Variants in MFSD6 observed in about 807,000 individuals in gnomAD.
MFSD6 encodes the protein major facilitator superfamily domain containing 6, also known as major facilitator superfamily domain-containing protein 6.
A neutral mutation model predicts 56.3 loss-of-function variants in MFSD6; 26 were observed. The observed-to-expected ratio is 0.46, with a 90% CI of 0.34 to 0.64. The LOEUF (loss-of-function observed/expected upper bound fraction) is 0.64, where lower values mean the gene tolerates loss of function less well. MFSD6 is among the 30% of genes least tolerant of loss of function. MFSD6 has a pLI of 0.01. For missense variants in MFSD6, 750 were observed against 986.2 expected, an observed-to-expected ratio of 0.76 and a Z score of 3.21; for synonymous variants, 331 against 366.9, an observed-to-expected ratio of 0.90 and a Z score of 1.12.
chr2:190,477,416 T>C (rs1029801014), intron 4 of MFSD6: 1 of 931,978 alleles, frequency 1.1e-6, no homozygotes, highest in African/African-American at 1.8e-5. Context: ...TATATTATAA[T>C]AATACATGCA....
chr2:190,479,244 G>GT (rs1688522124), intron 4 of MFSD6, among the ~76,000 whole-genome samples: 1 of 152,186 alleles, frequency 6.6e-6, no homozygotes, highest in African/African-American at 2.4e-5. Flanking sequence ...CTCATGTTCA[G>GT]TAAGTATTCT....
Position 190,436,236 on chromosome 2 carries a change from A to T in MFSD6, c.207A>T (p.Leu69=). 6.2e-7 allele frequency: 1 copy of T among 1,614,088 alleles called. No homozygotes were observed. Among genetic ancestry groups the T allele is most frequent in the Non-Finnish European group, 8.5e-7 (1 of 1,179,986 alleles). Reference sequence around the variant, plus strand: ...GTGTTAAGATAAACAACGATCTTCTAATTTCCAAGGTCTTTTATTTTTTCT... The same window carrying T: ...GTGTTAAGATAAACAACGATCTTCTTATTTCCAAGGTCTTTTATTTTTTCT... The part of the protein sequence containing the change: ...KHCVKINNDL[L]ISKVFYFFFY... Residue 69 remains leucine (L), a synonymous_variant, in exon 3 of 8, where the codon CTA becomes CTT. Transcript: ENST00000392328. The surrounding 1 kb of genome is among the most constrained non-coding windows in gnomAD (Gnocchi z 5.3).
chr2:190,474,807 A>G (rs1385608825), intron 4 of MFSD6, among the ~76,000 whole-genome samples: 1 of 152,238 alleles, frequency 6.6e-6, no homozygotes, highest in African/African-American at 2.4e-5. Flanking sequence ...GATAGATGCA[A>G]AAATCCTCAA....
Position 190,417,665 on chromosome 2 carries a change from C to T in MFSD6, c.-54+2252C>T, listed in dbSNP as rs1036882252. Among the ~76,000 whole-genome samples the T allele has an allele frequency of 6.6e-6, 1 of 152,120 alleles. No individual in the cohort carries two copies. Among genetic ancestry groups the T allele is most frequent in the Non-Finnish European group, 1.5e-5 (1 of 68,020 alleles). On this transcript the variant is annotated intron_variant, in intron 2 of 7. Coordinates refer to ENST00000392328, the MANE Select transcript of MFSD6 (RefSeq NM_017694.4). The surrounding 1 kb of genome is among the most constrained non-coding windows in gnomAD (Gnocchi z 5.7). ...AAGGCCCTGTGCCATCTGTTGCTGT[C>T]TGGGTGGCCTCATGTGCCCTTTAGT... is the stretch of plus-strand genomic sequence containing the variant.
chr2:190,457,531 TG>T lies in MFSD6; in HGVS notation c.1533-12224del, dbSNP rs1687108568. 6.6e-6 allele frequency among the ~76,000 whole-genome samples: 1 copy of T among 152,196 alleles called. No individual in the cohort carries two copies. Among genetic ancestry groups the T allele is most frequent in the Non-Finnish European group, 1.5e-5 (1 of 68,026 alleles). ...GGATGTGTTTTATGATAGCAGTTGC[TG>T]GGATCTACATAGAGAATTTTATTTC... On this transcript the variant is annotated intron_variant, in intron 3 of 7. Transcript: ENST00000392328. This position sits in a 1 kb window ranked among gnomAD's most constrained non-coding sequence, Gnocchi z 5.1.
chr2:190,411,439 T>C, intron 1 of MFSD6: 3 of 982,518 alleles, frequency 3.1e-6, no homozygotes, highest in Non-Finnish European at 3.6e-6. Context: ...ATTACAGGCA[T>C]GAGCCACTGC....
At chr2:190,445,805 G>A (rs1351341384) in intron 3 of MFSD6, among the ~76,000 whole-genome samples, 1 of 76,328 alleles carries the variant, frequency 1.3e-5, no homozygotes, top group Non-Finnish European at 2.6e-5. Flanking sequence ...TTCATAACGT[G>A]GTAATATGGA....
At position 190,456,425 on chromosome 2, in the gene MFSD6, G is replaced by A. The variant is rs1047254659; in HGVS notation, c.1533-13333G>A. Among the ~76,000 whole-genome samples the A allele has an allele frequency of 5.3e-5, 8 of 152,198 alleles. No homozygotes were observed. Among genetic ancestry groups the A allele is most frequent in the African/African-American group, 1.9e-4 (8 of 41,444 alleles). On this transcript the variant is annotated intron_variant, in intron 3 of 7. Coordinates refer to ENST00000392328, the MANE Select transcript of MFSD6 (RefSeq NM_017694.4). The surrounding 1 kb of genome is among the most constrained non-coding windows in gnomAD (Gnocchi z 5.4). ...GCCTCTGGCCTGGCTCAGACTCTTC[G>A]TTGTGAGATCTGTGGAGCCGCATCA... is the stretch of plus-strand genomic sequence containing the variant.
chr2:190,408,291 C>T (rs1690385413), upstream of MFSD6: 1 of 148,138 alleles, frequency 6.8e-6, no homozygotes, highest in Admixed American at 6.6e-5. Flanking sequence ...CCCTCCGCCT[C>T]CGTCCTCCGT....
In MFSD6 at chr2:190,487,433, G is replaced by A. The variant is rs186389419; in HGVS notation, c.1631-1224G>A. Among the ~76,000 whole-genome samples, 83 of 152,314 alleles carry A rather than the reference G, an allele frequency of 5.4e-4. 1 individual carries two copies. Among genetic ancestry groups the A allele is most frequent in the African/African-American group, 1.9e-3 (81 of 41,564 alleles). On this transcript the variant is annotated intron_variant, in intron 4 of 7. Transcript: ENST00000392328. The surrounding 1 kb of genome is among the most constrained non-coding windows in gnomAD (Gnocchi z 5.5). ...AGCCAATGTAAATAATCTAAGGTATGTAAAAAGCAATGTTAACCATGATGC... is the reference window on the plus strand; with the variant it reads ...AGCCAATGTAAATAATCTAAGGTATATAAAAAGCAATGTTAACCATGATGC...
rs1689671004 is a variant in MFSD6, at chr2:190,496,252, C to A, written c.1892-1187C>A. On this transcript the variant is annotated intron_variant, in intron 6 of 7. Coordinates refer to ENST00000392328, the MANE Select transcript of MFSD6 (RefSeq NM_017694.4). The surrounding 1 kb of genome is among the most constrained non-coding windows in gnomAD (Gnocchi z 4.7). ...AACAATGGTCAACATCACTAGTGAT[C>A]AGGGAAATGCAAATCAAAACCACAA... is the stretch of plus-strand genomic sequence containing the variant. Among the ~76,000 whole-genome samples, 1 of 152,076 alleles carries A rather than the reference C, an allele frequency of 6.6e-6. No individual in the cohort carries two copies. The highest frequency in any genetic ancestry group is 6.5e-5 in the Admixed American group (1 of 15,280).
chr2:190,460,524 C>T lies in MFSD6; in HGVS notation c.1533-9234C>T, dbSNP rs541937733. Among the ~76,000 whole-genome samples the T allele has an allele frequency of 5.9e-5, 9 of 152,254 alleles. No homozygotes were observed. The East Asian group carries it at 9.6e-4, about 16-fold the overall frequency. On this transcript the variant is annotated intron_variant, in intron 3 of 7. Transcript: ENST00000392328. ...TTTGAAGTATTCATATTTTCTCTTC[C>T]GTTCCGGACTATTTACTGAGTGCCT...
chr2:190,432,239 T>G (rs903287926), intron 2 of MFSD6, among the ~76,000 whole-genome samples: 1 of 152,198 alleles, frequency 6.6e-6, no homozygotes, highest in Non-Finnish European at 1.5e-5. Context: ...TTAACTTTCC[T>G]GCCTAGAGGA....
Position 190,439,828 on chromosome 2 carries a change from A to G in MFSD6, c.1532+2267A>G, listed in dbSNP as rs1686307980. Among the ~76,000 whole-genome samples the G allele has an allele frequency of 6.6e-6, 1 of 152,220 alleles. No individual in the cohort carries two copies. Among genetic ancestry groups the G allele is most frequent in the South Asian group, 2.1e-4 (1 of 4,832 alleles). On this transcript the variant is annotated intron_variant, in intron 3 of 7. Transcript: ENST00000392328. This position sits in a 1 kb window ranked among gnomAD's most constrained non-coding sequence, Gnocchi z 5.8. ...CCATTAAAATGTATTAATTATTTCA[A>G]GTGCTTTTAAAAGAGTCTGATAGCT...
chr2:190,484,581 G>T (rs1001109844), intron 4 of MFSD6, among the ~76,000 whole-genome samples: 4 of 152,058 alleles, frequency 2.6e-5, no homozygotes, highest in African/African-American at 9.7e-5. Flanking sequence ...TAAAACGAGA[G>T]AATCAGAACA....
Position 190,416,942 on chromosome 2 carries a change from G to A in MFSD6, c.-54+1529G>A, listed in dbSNP as rs550914987. On this transcript the variant is annotated intron_variant, in intron 2 of 7. Coordinates refer to ENST00000392328, the MANE Select transcript of MFSD6 (RefSeq NM_017694.4). This position sits in a 1 kb window ranked among gnomAD's most constrained non-coding sequence, Gnocchi z 4.1. ...TTTAATAAAAATTTATATGTTTATT[G>A]TCATCAGGTGCTTGTCAAAATAAAC... 6.6e-6 allele frequency among the ~76,000 whole-genome samples: 1 copy of A among 152,182 alleles called. No homozygotes were observed. The highest frequency in any genetic ancestry group is 2.1e-4 in the South Asian group (1 of 4,820).
At position 190,494,376 on chromosome 2, in the gene MFSD6, A is replaced by G. The variant is rs190229163; in HGVS notation, c.1892-3063A>G. On this transcript the variant is annotated intron_variant, in intron 6 of 7. Coordinates refer to ENST00000392328, the MANE Select transcript of MFSD6 (RefSeq NM_017694.4). The surrounding 1 kb of genome is among the most constrained non-coding windows in gnomAD (Gnocchi z 5.7). ...TAATAAAAAAATTGCCAACAAAAAA[A>G]AGTCCAGGACCAGATGGAGTCACAG... Among the ~76,000 whole-genome samples, 195 of 152,288 alleles carry G rather than the reference A, an allele frequency of 1.3e-3. No homozygotes were observed. Among genetic ancestry groups the G allele is most frequent in the African/African-American group, 4.6e-3 (191 of 41,572 alleles).
At chr2:190,411,222 C>G in intron 1 of MFSD6, 1 of 746,540 alleles carries the variant, frequency 1.3e-6, no homozygotes, top group Non-Finnish European at 1.6e-6. Flanking sequence ...TGCAGTGGCT[C>G]GATCTCGGCC....
chr2:190,437,445 G>C lies in MFSD6; in HGVS notation c.1416G>C (p.Leu472Phe). 1.2e-6 allele frequency: 2 copies of C among 1,614,200 alleles called. No homozygotes were observed. Among genetic ancestry groups the C allele is most frequent in the Non-Finnish European group, 1.7e-6 (2 of 1,180,040 alleles). ...TGTTCACCTTTCTCTACTGGCATTT[G>C]GAAGACCTCAATGGAACTACAACCC... ...GFVFTFLYWH[L>F]EDLNGTTTLF... The change falls in exon 3 of 8, where the codon TTG (leucine) becomes TTC (phenylalanine). Residue 472 changes from leucine to phenylalanine, a missense_variant. This residue lies in a region of MFSD6 where 125 missense variants were observed against 223.1 expected (regional missense o/e 0.56). Coordinates refer to ENST00000392328, the MANE Select transcript of MFSD6 (RefSeq NM_017694.4). This position sits in a 1 kb window ranked among gnomAD's most constrained non-coding sequence, Gnocchi z 5.9.
Sources: gnomAD v4.1 joint callset for allele counts (sites outside exome capture counted in the v4.1 genomes callset) on GRCh38, gnomAD v4.1.1 for gene constraint, gnomAD v4.1.1 regional missense constraint, Gnocchi (gnomAD v3.1) non-coding constraint, MANE v1.5 for transcripts, NCBI Gene and HGNC (gene_info 2026-07-23, HGNC 2026-07-21) for gene names.